SIPA1L2: variants seen among roughly 807,000 people sequenced by gnomAD.
The protein encoded by SIPA1L2 is signal-induced proliferation-associated 1-like protein 2.
In SIPA1L2, 56 loss-of-function variants were observed where a neutral mutation model predicts 163.9. The ratio of observed to expected loss-of-function variants is 0.34; its 90% confidence interval spans 0.28 to 0.43. SIPA1L2 has a LOEUF of 0.43. Ranked by LOEUF, SIPA1L2 falls within the 20% of genes least tolerant of loss-of-function variation. The pLI, the probability that SIPA1L2 is intolerant of heterozygous loss-of-function variation, is 1.00. For synonymous variants in SIPA1L2, 877 were observed against 865.7 expected (o/e 1.01, Z -0.23); for missense variants, 1,974 against 2,193.5 (o/e 0.90, Z 2.00).
chr1:232,498,862 G>C (rs1474947794), intron 3 of SIPA1L2, among the ~76,000 whole-genome samples: 2 of 152,134 alleles, frequency 1.3e-5, no homozygotes, highest in East Asian at 1.9e-4. Flanking sequence ...TTTGCCATGA[G>C]GGAGTGTACA....
At chr1:232,564,271 TGTGTGTGTGTA>T (rs2102756329) in intron 2 of SIPA1L2, among the ~76,000 whole-genome samples, 3 of 104,622 alleles carry the variant, frequency 2.9e-5, no homozygotes, top group South Asian at 3.3e-4. Context: ...TGTGTGTGTG[TGTGTGTGTGTA>T]TGATGGAGTT....
At chr1:232,469,163 G>A (rs1363539680) in intron 8 of SIPA1L2, among the ~76,000 whole-genome samples, 4 of 152,164 alleles carry the variant, frequency 2.6e-5, no homozygotes, top group Non-Finnish European at 4.4e-5. Context: ...ATTGGCATTG[G>A]TACCGTGGGT....
At position 232,445,694 on chromosome 1, in the gene SIPA1L2, T is replaced by C; in HGVS notation, c.3188A>G (p.Asn1063Ser). The change falls in exon 11 of 23, where the codon AAC becomes AGC. Residue 1063 changes from asparagine to serine, a missense_variant. Around this residue, in one of 3 missense-constraint regions of SIPA1L2, gnomAD observed 1,079 missense variants for 1,150.7 expected, o/e 0.94. Transcript: ENST00000674635. ...PCEYKTPFRR[N>S]TTWHRVPTPA... is the part of the protein sequence containing the mutation. Reference sequence around the variant, plus strand: ...AGTGGGCACCCGGTGCCACGTGGTGTTCCTCCTGAAGGGGGTTTTATACTC... The same window carrying C: ...AGTGGGCACCCGGTGCCACGTGGTGCTCCTCCTGAAGGGGGTTTTATACTC... The C allele has an allele frequency of 1.2e-6, 2 of 1,613,588 alleles. No homozygotes were observed. Among genetic ancestry groups the C allele is most frequent in the Admixed American group, 1.7e-5 (1 of 59,982 alleles).
chr1:232,442,527 G>A (rs1178758703), intron 12 of SIPA1L2, among the ~76,000 whole-genome samples: 2 of 143,056 alleles, frequency 1.4e-5, no homozygotes, highest in Admixed American at 7.1e-5. Context: ...CAGCCTGGGC[G>A]ACAGACCGAG....
chr1:232,606,219 C>T (rs1485202842), intron 1 of SIPA1L2, among the ~76,000 whole-genome samples: 1 of 152,186 alleles, frequency 6.6e-6, no homozygotes, highest in Non-Finnish European at 1.5e-5. Context: ...GACAATTAGC[C>T]TTTGACACTG....
At chr1:232,587,587 A>T (rs1211345341) in intron 1 of SIPA1L2, among the ~76,000 whole-genome samples, 2 of 152,190 alleles carry the variant, frequency 1.3e-5, no homozygotes, top group African/African-American at 4.8e-5. Context: ...GTACCTTACT[A>T]CACAGCAAGG....
At chr1:232,491,170 T>C (rs577801960) in intron 4 of SIPA1L2, 108 bp from the exon 5 acceptor site, 1 of 1,014,594 alleles carries the variant, frequency 9.9e-7, no homozygotes, top group South Asian at 1.7e-5. Context: ...CAAGGCTCTT[T>C]CTGAGTGTAG....
At chr1:232,542,505 C>G (rs1242738198) in intron 2 of SIPA1L2, among the ~76,000 whole-genome samples, 3 of 152,174 alleles carry the variant, frequency 2.0e-5, no homozygotes, top group Non-Finnish European at 1.5e-5. Flanking sequence ...AAACATGTAT[C>G]TGTTCATGTC....
At chr1:232,511,041 C>T (rs1342105304) in intron 3 of SIPA1L2, among the ~76,000 whole-genome samples, 3 of 152,054 alleles carry the variant, frequency 2.0e-5, no homozygotes, top group African/African-American at 2.4e-5. Context: ...ATAAAAATAA[C>T]CTTAATTAGG....
intron 2 of SIPA1L2, among the ~76,000 whole-genome samples, chr1:232,518,533 C>T (rs1667312428): frequency 6.6e-6 from 1 of 152,158 alleles, no homozygotes; most frequent in African/African-American, 2.4e-5. Context: ...ACGCCCTGCC[C>T]CAGACATACC....
chr1:232,468,555 T>C (rs575426433), intron 8 of SIPA1L2, among the ~76,000 whole-genome samples: 79 of 152,198 alleles, frequency 5.2e-4, no homozygotes, highest in Non-Finnish European at 9.0e-4. Flanking sequence ...GTAAGGATGA[T>C]AGAAAATAAT....
At chr1:232,630,235 C>G (rs1663321378), upstream of SIPA1L2, among the ~76,000 whole-genome samples, 1 of 151,794 alleles carries the variant, frequency 6.6e-6, no homozygotes, top group Admixed American at 6.6e-5. Flanking sequence ...CCCCTCGGCC[C>G]CGCCCCACGA....
Position 232,479,626 on chromosome 1 carries a change from C to CAG in SIPA1L2, c.2085_2085+1insCT (p.Leu697TyrfsTer2). 6.2e-7 allele frequency: 1 copy of CAG among 1,612,812 alleles called. No individual in the cohort carries two copies. The highest frequency in any genetic ancestry group is 1.1e-5 in the South Asian group (1 of 91,060). On this transcript the variant is annotated frameshift_variant and splice_region_variant. Transcript: ENST00000674635. LOFTEE classifies it high-confidence loss of function. The stretch of plus-strand genomic sequence containing the variant: ...AAAGCTCCAGGCTGGGGAGGACATA[C>CAG]CTGTTGTCTGTTGTTGGGCATGTAG...
At chr1:232,463,190 C>T (rs1664331225) in intron 9 of SIPA1L2, among the ~76,000 whole-genome samples, 1 of 152,196 alleles carries the variant, frequency 6.6e-6, no homozygotes, top group Non-Finnish European at 1.5e-5. Context: ...GTGAAGTGAG[C>T]CCTGCCTGGC....
At chr1:232,399,346 G>A (rs1314620619) in intron 22 of SIPA1L2, 73 bp from the exon 23 acceptor site, 5 of 1,502,284 alleles carry the variant, frequency 3.3e-6, no homozygotes, top group Non-Finnish European at 3.6e-6. Context: ...TGGGCTACGA[G>A]AATCTTTGAT....
intron 4 of SIPA1L2, among the ~76,000 whole-genome samples, chr1:232,491,725 A>C (rs992237496): frequency 6.6e-6 from 1 of 152,188 alleles, no homozygotes; most frequent in Non-Finnish European, 1.5e-5. Context: ...AATCAAGAGA[A>C]CTGGTTCTAA....
chr1:232,436,463 C>T (rs572349606), intron 15 of SIPA1L2, among the ~76,000 whole-genome samples: 3 of 152,156 alleles, frequency 2.0e-5, no homozygotes, highest in Non-Finnish European at 2.9e-5. Context: ...ATGGTCACCC[C>T]GGTCAGTTCC....
At chr1:232,501,579 C>T (rs1388576353) in intron 3 of SIPA1L2, among the ~76,000 whole-genome samples, 1 of 152,148 alleles carries the variant, frequency 6.6e-6, no homozygotes, top group Non-Finnish European at 1.5e-5. Flanking sequence ...CACTAAGTAC[C>T]CACTTTAGTT....
At chr1:232,611,563 T>A (rs1662237232) in intron 1 of SIPA1L2, among the ~76,000 whole-genome samples, 1 of 152,152 alleles carries the variant, frequency 6.6e-6, no homozygotes, top group Admixed American at 6.5e-5. Context: ...GTGACTCCTG[T>A]TATGTTTCAG....
Sources: gnomAD v4.1 joint callset for allele counts (sites outside exome capture counted in the v4.1 genomes callset) on GRCh38, gnomAD v4.1.1 for gene constraint, gnomAD v4.1.1 regional missense constraint, MANE v1.5 for transcripts, NCBI Gene and HGNC (gene_info 2026-07-23, HGNC 2026-07-21) for gene names.